Variants in SCAMP1 observed in about 807,000 individuals in gnomAD.
SCAMP1 encodes the protein secretory carrier-associated membrane protein 1.
SCAMP1 carries 15 observed loss-of-function variants against 41.8 expected under a neutral mutation model. That is an observed-to-expected ratio of 0.36 (90% confidence interval 0.24 to 0.55). SCAMP1 has a LOEUF of 0.55. SCAMP1 is among the 20% of genes least tolerant of loss of function. SCAMP1 has a pLI of 0.86. For synonymous variants in SCAMP1, 135 were observed against 136.8 expected (o/e 0.99, Z 0.09); for missense variants, 341 against 412.6 (o/e 0.83, Z 1.50).
Position 78,479,452 on chromosome 5 carries a change from A to G in SCAMP1, c.*3784A>G, listed in dbSNP as rs1400780667. Among the ~76,000 whole-genome samples the G allele has an allele frequency of 1.3e-5, 2 of 152,234 alleles. No homozygotes were observed. The highest frequency in any genetic ancestry group is 4.8e-5 in the African/African-American group (2 of 41,470). On this transcript the variant is annotated 3_prime_UTR_variant, in exon 9 of 9. Transcript: ENST00000621999. ...AGTTTTATCTCACATATTAAGTATT[A>G]CAGAAAGTGAAGTATTTTGGCTAGA...
chr5:78,457,313 G>A (rs1753437939), intron 7 of SCAMP1, among the ~76,000 whole-genome samples: 1 of 152,124 alleles, frequency 6.6e-6, no homozygotes, highest in Non-Finnish European at 1.5e-5. Context: ...CGTCTTTGTG[G>A]TTTTATCTAC....
chr5:78,423,050 A>G (rs1752381235), intron 6 of SCAMP1, among the ~76,000 whole-genome samples: 1 of 151,840 alleles, frequency 6.6e-6, no homozygotes, highest in Admixed American at 6.6e-5. Flanking sequence ...ACACACACAC[A>G]CAGAGTTAGA....
chr5:78,412,089 A>G (rs1215382172), intron 2 of SCAMP1, among the ~76,000 whole-genome samples: 4 of 152,018 alleles, frequency 2.6e-5, no homozygotes, highest in Non-Finnish European at 5.9e-5. Context: ...TTTTTCAGTA[A>G]CATGTTTATC....
At chr5:78,411,845 A>G (rs1357268821) in intron 2 of SCAMP1, among the ~76,000 whole-genome samples, 1 of 152,124 alleles carries the variant, frequency 6.6e-6, no homozygotes, top group Non-Finnish European at 1.5e-5. Context: ...CATAATGCCA[A>G]ATTGTGCTCC....
At chr5:78,414,248 A>G (rs1032588893) in intron 2 of SCAMP1, among the ~76,000 whole-genome samples, 7 of 151,648 alleles carry the variant, frequency 4.6e-5, no homozygotes, top group African/African-American at 1.5e-4. Context: ...ACTGTTCTGT[A>G]GCTTGCTTTA....
chr5:78,459,329 A>C lies in SCAMP1; in HGVS notation c.819A>C (p.Ala273=). Residue 273 remains alanine, a synonymous_variant, in exon 8 of 9, where the codon GCA becomes GCC. Transcript: ENST00000621999. ...TAATCATAGCAGCACTTTTCACAGC[A>C]TCAGCAGTCATCTCACTAGTTATGT... ...MMIIIAALFT[A]SAVISLVMFK... is the part of the protein sequence containing the mutation. 6.3e-7 allele frequency: 1 copy of C among 1,594,114 alleles called. No homozygotes were observed. The highest frequency in any genetic ancestry group is 8.6e-7 in the Non-Finnish European group (1 of 1,162,798).
intron 6 of SCAMP1, among the ~76,000 whole-genome samples, chr5:78,443,500 A>G (rs1752978884): frequency 6.6e-6 from 1 of 152,060 alleles, no homozygotes. Flanking sequence ...GTTGTGGTCT[A>G]GGTTTGATAT....
intron 2 of SCAMP1, 125 bp from the exon 3 acceptor site, chr5:78,415,395 T>G (rs372995225): frequency 3.2e-6 from 2 of 623,020 alleles, no homozygotes. Flanking sequence ...CACTTGACTA[T>G]GAGAGAGCAG....
intron 4 of SCAMP1, among the ~76,000 whole-genome samples, chr5:78,417,281 A>G (rs934835703): frequency 2.0e-5 from 3 of 152,234 alleles, no homozygotes; most frequent in African/African-American, 7.2e-5. Context: ...ATGCAAAGCT[A>G]GAACAATAAC....
At chr5:78,447,097 A>G (rs1341104742) in intron 6 of SCAMP1, among the ~76,000 whole-genome samples, 2 of 152,336 alleles carry the variant, frequency 1.3e-5, no homozygotes, top group South Asian at 4.1e-4. Flanking sequence ...TCTAGGTTGC[A>G]TGCTCCTTAT....
rs1274591080 is a variant in SCAMP1 at position 78,364,399 on chromosome 5, A to AT, written c.57+3676dup. On this transcript the variant is annotated intron_variant, in intron 1 of 8. Coordinates refer to ENST00000621999, the MANE Select transcript of SCAMP1 (RefSeq NM_004866.6). ...CATTATGGAAATAACATTTAAATTA[A>AT]TTTTTAAAATATGAAGAGAATTAGA... 1.3e-5 allele frequency among the ~76,000 whole-genome samples: 2 copies of AT among 152,232 alleles called. 1 individual carries two copies. Among genetic ancestry groups the AT allele is most frequent in the African/African-American group, 4.8e-5 (2 of 41,456 alleles).
chr5:78,470,453 A>T (rs139353786), intron 8 of SCAMP1, among the ~76,000 whole-genome samples: 117 of 152,286 alleles, frequency 7.7e-4, no homozygotes, highest in African/African-American at 2.6e-3. Context: ...TTTCATTACC[A>T]TAATGTTTTC....
At position 78,430,065 on chromosome 5, in the gene SCAMP1, A is replaced by T. The variant is rs202227105; in HGVS notation, c.632+8105A>T. ...ATTTACAGTATTTATTTATAAATAC[A>T]GTATTTATTTATAAATACAGTATTT... On this transcript the variant is annotated intron_variant, in intron 6 of 8. Coordinates refer to ENST00000621999, the MANE Select transcript of SCAMP1 (RefSeq NM_004866.6). 1.9e-3 allele frequency among the ~76,000 whole-genome samples: 163 copies of T among 87,222 alleles called. 18 individuals carry two copies. Among genetic ancestry groups the T allele is most frequent in the African/African-American group, 6.5e-3 (133 of 20,376 alleles). The allele number at this position is 87,222 out of a possible 152,430, so 57.2% of individuals were successfully genotyped here.
chr5:78,476,808 A>T lies in SCAMP1; in HGVS notation c.*1140A>T, dbSNP rs995560151. 2.0e-5 allele frequency: 3 copies of T among 152,594 alleles called. No individual in the cohort carries two copies. The highest frequency in any genetic ancestry group is 4.8e-5 in the African/African-American group (2 of 41,462). 9.5% of individuals were successfully genotyped at this position (152,594 alleles called of 1,614,324 possible). The stretch of plus-strand genomic sequence containing the variant: ...TATATCTAAAATTTCCAGCAATAAA[A>T]AAAAAAGCATTTAACTTGCACCAAG... On this transcript the variant is annotated 3_prime_UTR_variant, in exon 9 of 9. Coordinates refer to ENST00000621999, the MANE Select transcript of SCAMP1 (RefSeq NM_004866.6).
At position 78,453,362 on chromosome 5, in the gene SCAMP1, A is replaced by G. The variant is rs1361221495; in HGVS notation, c.734+3328A>G. ...TAATCCATCTTGAATTGATTTTTGT[A>G]TAAGGTGTAAGGAAGGGATCCAGTT... On this transcript the variant is annotated intron_variant, in intron 7 of 8. Transcript: ENST00000621999. Among the ~76,000 whole-genome samples, 6 of 149,434 alleles carry G rather than the reference A, an allele frequency of 4.0e-5. No individual in the cohort carries two copies. In the South Asian group the frequency reaches 8.6e-4, roughly 21 times the overall value.
At chr5:78,446,233 A>G (rs1231739921) in intron 6 of SCAMP1, among the ~76,000 whole-genome samples, 2 of 152,216 alleles carry the variant, frequency 1.3e-5, no homozygotes, top group South Asian at 2.1e-4. Flanking sequence ...TTTGAAAGCA[A>G]TATTTTAGAA....
chr5:78,470,735 T>A (rs1023349354), intron 8 of SCAMP1, among the ~76,000 whole-genome samples: 1 of 152,170 alleles, frequency 6.6e-6, no homozygotes, highest in Non-Finnish European at 1.5e-5. Flanking sequence ...TTGAGGCACC[T>A]CCAAACTCTT....
chr5:78,451,362 A>G (rs1580706158), intron 7 of SCAMP1, among the ~76,000 whole-genome samples: 1 of 152,220 alleles, frequency 6.6e-6, no homozygotes, highest in African/African-American at 2.4e-5. Flanking sequence ...TTGTAGAACT[A>G]TAGTAAAATA....
intron 1 of SCAMP1, among the ~76,000 whole-genome samples, chr5:78,383,933 A>G (rs1490657771): frequency 6.6e-6 from 1 of 152,106 alleles, no homozygotes; most frequent in Non-Finnish European, 1.5e-5. Flanking sequence ...TTGGTTCCAT[A>G]TGAATTTCAG....
Sources: allele counts gnomAD v4.1 joint callset (sites outside exome capture counted in the v4.1 genomes callset), GRCh38; gene constraint gnomAD v4.1.1; transcripts MANE v1.5; gene names NCBI Gene and HGNC (gene_info 2026-07-23, HGNC 2026-07-21).